The following SH3RF1 variants were observed in gnomAD, a reference collection of about 807,000 sequenced individuals.
SH3RF1 encodes the protein E3 ubiquitin-protein ligase SH3RF1.
SH3RF1 carries 32 observed loss-of-function variants against 74.0 expected under a neutral mutation model. The observed-to-expected ratio is 0.43, with a 90% CI of 0.33 to 0.58. SH3RF1 has a LOEUF of 0.58. Ranked by LOEUF, SH3RF1 falls within the 20% of genes least tolerant of loss-of-function variation. SH3RF1 has a pLI of 0.05. For missense variants in SH3RF1, 954 were observed against 1,130.9 expected (o/e 0.84, Z 2.24); for synonymous variants, 396 against 439.6 (o/e 0.90, Z 1.24).
intron 4 of SH3RF1, among the ~76,000 whole-genome samples, chr4:169,147,561 T>A (rs138267411): frequency 1.8e-3 from 272 of 152,356 alleles, no homozygotes; most frequent in Admixed American, 5.2e-3. Flanking sequence ...ATCAGGACTT[T>A]GCACGTTTGT....
At chr4:169,134,342 C>T (rs1181686225) in intron 5 of SH3RF1, among the ~76,000 whole-genome samples, 1 of 152,190 alleles carries the variant, frequency 6.6e-6, no homozygotes. Context: ...GGTGTGGTAA[C>T]GTCAGGCATG....
At position 169,095,020 on chromosome 4, in the gene SH3RF1, T is replaced by G. The variant is rs933037232; in HGVS notation, c.*1499A>C. 8.5e-5 allele frequency: 13 copies of G among 152,620 alleles called. No homozygotes were observed. The highest frequency in any genetic ancestry group is 3.1e-4 in the African/African-American group (13 of 41,466). 9.5% of individuals were successfully genotyped at this position (152,620 alleles called of 1,614,324 possible). On this transcript the variant is annotated 3_prime_UTR_variant, in exon 12 of 12. Transcript: ENST00000284637. Reference sequence around the variant, plus strand: ...TCTTCCCTCCTTTTGTTTTCCGGACTACCCAGATCCATGACTGCGTGGCAC... The same window carrying G: ...TCTTCCCTCCTTTTGTTTTCCGGACGACCCAGATCCATGACTGCGTGGCAC...
chr4:169,267,329 A>G (rs1731369531), intron 2 of SH3RF1, among the ~76,000 whole-genome samples: 2 of 151,464 alleles, frequency 1.3e-5, no homozygotes, highest in Admixed American at 1.3e-4. Flanking sequence ...ATTAACAGGG[A>G]AACAAAACCT....
Position 169,258,733 on chromosome 4 carries a change from A to G in SH3RF1, c.393+10087T>C, listed in dbSNP as rs558256811. ...GATAAGGTGGGCAAATGAAAACTTAAGGTCTGAAATCTAGTTTTATTATAT... is the reference window on the plus strand; with the variant it reads ...GATAAGGTGGGCAAATGAAAACTTAGGGTCTGAAATCTAGTTTTATTATAT... On this transcript the variant is annotated intron_variant, in intron 2 of 11. Coordinates refer to ENST00000284637, the MANE Select transcript of SH3RF1 (RefSeq NM_020870.4). Among the ~76,000 whole-genome samples the G allele has an allele frequency of 3.1e-4, 47 of 152,322 alleles. 1 individual carries two copies. Among genetic ancestry groups the G allele is most frequent in the African/African-American group, 1.1e-3 (44 of 41,562 alleles).
intron 6 of SH3RF1, among the ~76,000 whole-genome samples, chr4:169,122,806 C>T (rs1733463353): frequency 6.6e-6 from 1 of 152,152 alleles, no homozygotes; most frequent in South Asian, 2.1e-4. Flanking sequence ...ATTGTTGCTA[C>T]TTTTGCTTAT....
intron 2 of SH3RF1, among the ~76,000 whole-genome samples, chr4:169,262,689 A>G (rs1731298683): frequency 6.6e-6 from 1 of 152,088 alleles, no homozygotes. Context: ...AAATAAAATG[A>G]TAACACTTGA....
At chr4:169,263,437 A>G (rs779819979) in intron 2 of SH3RF1, among the ~76,000 whole-genome samples, 1 of 152,220 alleles carries the variant, frequency 6.6e-6, no homozygotes, top group African/African-American at 2.4e-5. Flanking sequence ...ATTATTGAAC[A>G]TAACTGGACC....
At chr4:169,101,237 AGTT>A (rs1733021875) in intron 11 of SH3RF1, among the ~76,000 whole-genome samples, 1 of 152,236 alleles carries the variant, frequency 6.6e-6, no homozygotes, top group Non-Finnish European at 1.5e-5. Context: ...GAAAAAGCCT[AGTT>A]GTATAGAAAA....
intron 2 of SH3RF1, among the ~76,000 whole-genome samples, chr4:169,215,041 T>G (rs1730440367): frequency 6.6e-6 from 1 of 152,212 alleles, no homozygotes; most frequent in South Asian, 2.1e-4. Context: ...GTTCCTTACC[T>G]TAATGAGAAA....
rs771152052 is a variant in SH3RF1, at chr4:169,120,992, A to T, written c.1347-3T>A. On this transcript the variant is annotated splice_polypyrimidine_tract_variant and splice_region_variant and intron_variant, in intron 7 of 11. Transcript: ENST00000284637. ...TGTATGGATATATAGCAACATACCTAGAATAGAAAATAATATTTGATTTCA... is the reference window on the plus strand; with the variant it reads ...TGTATGGATATATAGCAACATACCTTGAATAGAAAATAATATTTGATTTCA... 6.2e-7 allele frequency: 1 copy of T among 1,609,184 alleles called. No homozygotes were observed. The highest frequency in any genetic ancestry group is 1.1e-5 in the South Asian group (1 of 90,838).
At chr4:169,216,350 A>C (rs188687388) in intron 2 of SH3RF1, among the ~76,000 whole-genome samples, 2 of 152,280 alleles carry the variant, frequency 1.3e-5, no homozygotes, top group Admixed American at 1.3e-4. Context: ...GCATTTAAAA[A>C]TTTTCATTAT....
intron 6 of SH3RF1, among the ~76,000 whole-genome samples, chr4:169,124,838 C>T (rs1024269989): frequency 1.3e-5 from 2 of 152,160 alleles, no homozygotes; most frequent in African/African-American, 2.4e-5. Context: ...GTGTATTGTG[C>T]TTCAGGCAGT....
intron 2 of SH3RF1, among the ~76,000 whole-genome samples, chr4:169,204,574 C>T (rs1197537020): frequency 1.6e-4 from 20 of 122,202 alleles, no homozygotes; most frequent in Admixed American, 5.8e-4. Flanking sequence ...TTTTTTGAGA[C>T]GGAGTCTCAT....
chr4:169,264,858 G>T (rs1339782008), intron 2 of SH3RF1, among the ~76,000 whole-genome samples: 2 of 152,076 alleles, frequency 1.3e-5, no homozygotes, highest in Non-Finnish European at 2.9e-5. Context: ...CCTTCTGTCA[G>T]TTCTTCCTAG....
chr4:169,164,595 A>G (rs138239574), intron 2 of SH3RF1, among the ~76,000 whole-genome samples: 20 of 152,194 alleles, frequency 1.3e-4, no homozygotes, highest in African/African-American at 4.3e-4. Flanking sequence ...CTGCTGGGAA[A>G]CCTGGGGCAT....
Position 169,117,737 on chromosome 4 carries a change from A to G in SH3RF1, c.1563T>C (p.Ala521=). The part of the protein sequence containing the change: ...ASQAKVPMST[A]GQTSRGVTMV... ...TGGTCACTCCCCGACTTGTCTGGCC[A>G]GCTGTAGACATAGGGACTTTAGCTT... The change falls in exon 9 of 12, where the codon GCT becomes GCC. Residue 521 remains alanine, a synonymous_variant. Transcript: ENST00000284637. 6.2e-7 allele frequency: 1 copy of G among 1,614,156 alleles called. No homozygotes were observed. The highest frequency in any genetic ancestry group is 8.5e-7 in the Non-Finnish European group (1 of 1,180,020).
chr4:169,177,702 TA>T (rs1734443284), intron 2 of SH3RF1, among the ~76,000 whole-genome samples: 1 of 152,204 alleles, frequency 6.6e-6, no homozygotes, highest in Admixed American at 6.5e-5. Flanking sequence ...CAAATGTGTT[TA>T]AATATCTATA....
intron 2 of SH3RF1, among the ~76,000 whole-genome samples, chr4:169,208,290 A>G (rs1371065742): frequency 6.6e-6 from 1 of 151,632 alleles, no homozygotes; most frequent in Non-Finnish European, 1.5e-5. Context: ...TTTATCTTCT[A>G]TAGGAATTTC....
rs184158268 is a variant in SH3RF1 at position 169,179,842 on chromosome 4, T to C, written c.394-23163A>G. Among the ~76,000 whole-genome samples the C allele has an allele frequency of 5.3e-5, 8 of 152,340 alleles. No homozygotes were observed. In the East Asian group the frequency reaches 1.3e-3, roughly 26 times the overall value. On this transcript the variant is annotated intron_variant, in intron 2 of 11. Transcript: ENST00000284637. ...CTGGTTGGACTTTTCAAAAAGCATC[T>C]TGTCAGAATTATGTATTTTTTTTCC... is the stretch of plus-strand genomic sequence containing the variant.
Sources: allele counts gnomAD v4.1 joint callset (sites outside exome capture counted in the v4.1 genomes callset), GRCh38; gene constraint gnomAD v4.1.1; transcripts MANE v1.5; gene names NCBI Gene and HGNC (gene_info 2026-07-23, HGNC 2026-07-21).